UST: variants seen among roughly 807,000 people sequenced by gnomAD.
The protein encoded by UST is uronyl 2-sulfotransferase, also known as chondroitin sulfate 2-O-sulfotransferase.
A neutral mutation model predicts 45.6 loss-of-function variants in UST; 21 were observed. That is an observed-to-expected ratio of 0.46 (90% confidence interval 0.33 to 0.66). UST has a LOEUF of 0.66. Among genes scored for constraint, UST ranks in the 30% least tolerant of loss-of-function variants. The pLI is 0.02. For missense variants in UST, 463 were observed against 512.4 expected (o/e 0.90, Z 0.93); for synonymous variants, 215 against 200.6 (o/e 1.07, Z -0.61).
chr6:149,068,299 T>A (rs1354242304), intron 7 of UST, among the ~76,000 whole-genome samples: 1 of 152,176 alleles, frequency 6.6e-6, no homozygotes, highest in Non-Finnish European at 1.5e-5. Context: ...ATGAGGAGCC[T>A]CCTACCTCTG....
At chr6:148,894,904 G>T (rs188333264) in intron 2 of UST, among the ~76,000 whole-genome samples, 9 of 135,758 alleles carry the variant, frequency 6.6e-5, no homozygotes, top group African/African-American at 8.5e-5. Flanking sequence ...TGCAACCTCC[G>T]CCTCCCGGAT....
chr6:149,003,809 A>T (rs1387883737), intron 5 of UST, among the ~76,000 whole-genome samples: 1 of 152,142 alleles, frequency 6.6e-6, no homozygotes, highest in Non-Finnish European at 1.5e-5. Context: ...AGGTTCAGAG[A>T]GTGGAATTAG....
chr6:148,879,501 AATACC>A, intron 1 of UST, among the ~76,000 whole-genome samples: 2 of 152,208 alleles, frequency 1.3e-5, no homozygotes, highest in African/African-American at 2.4e-5. Context: ...AAAAATACCA[AATACC>A]ATGGACTTGT....
chr6:148,789,820 AC>A (rs1314509984), intron 1 of UST, among the ~76,000 whole-genome samples: 1 of 151,798 alleles, frequency 6.6e-6, no homozygotes, highest in East Asian at 1.9e-4. Flanking sequence ...CTGGTCTCGA[AC>A]TCCTGACCTC....
At chr6:149,018,032 G>A (rs1184893622) in intron 5 of UST, among the ~76,000 whole-genome samples, 1 of 152,022 alleles carries the variant, frequency 6.6e-6, no homozygotes, top group Admixed American at 6.6e-5. Context: ...AAACTCAAGT[G>A]CTTGAGTACT....
At chr6:149,058,988 A>G (rs563466237) in intron 7 of UST, among the ~76,000 whole-genome samples, 1 of 152,322 alleles carries the variant, frequency 6.6e-6, no homozygotes, top group East Asian at 1.9e-4. Flanking sequence ...TTTCAAACAA[A>G]TATGTCAGCT....
At chr6:148,886,646 G>A (rs879441660) in intron 1 of UST, among the ~76,000 whole-genome samples, 2 of 152,134 alleles carry the variant, frequency 1.3e-5, no homozygotes, top group South Asian at 2.1e-4. Context: ...CAAGCCCTGC[G>A]GGTAATTCTG....
intron 1 of UST, among the ~76,000 whole-genome samples, chr6:148,844,960 G>T (rs1009385105): frequency 6.6e-6 from 1 of 152,052 alleles, no homozygotes; most frequent in Non-Finnish European, 1.5e-5. Context: ...TGGTTTCATT[G>T]TTGTTGTTTT....
At chr6:148,891,335 A>C (rs1562291114) in intron 2 of UST, among the ~76,000 whole-genome samples, 1 of 152,178 alleles carries the variant, frequency 6.6e-6, no homozygotes, top group Non-Finnish European at 1.5e-5. Context: ...TGTGGATATC[A>C]TTTCATATAC....
Position 148,995,007 on chromosome 6 carries a change from G to T in UST, c.682-24132G>T, listed in dbSNP as rs182880161. On this transcript the variant is annotated intron_variant, in intron 5 of 7. Transcript: ENST00000367463. ...TAATCCCCATAGCCATCCTGTAAAA[G>T]AATTTGTCCTATCCTTATCTTGTGT... 2.7e-4 allele frequency among the ~76,000 whole-genome samples: 41 copies of T among 151,860 alleles called. 1 individual carries two copies. Among genetic ancestry groups the T allele is most frequent in the Admixed American group, 2.2e-3 (34 of 15,234 alleles).
chr6:148,993,878 T>C (rs964463375), intron 5 of UST, among the ~76,000 whole-genome samples: 6 of 152,004 alleles, frequency 3.9e-5, no homozygotes, highest in African/African-American at 1.5e-4. Flanking sequence ...AGCACCATGC[T>C]TCCTGCACAG....
intron 1 of UST, among the ~76,000 whole-genome samples, chr6:148,766,259 G>C (rs1287497007): frequency 6.6e-6 from 1 of 151,924 alleles, no homozygotes; most frequent in African/African-American, 2.4e-5. Flanking sequence ...AGTAAGTCTT[G>C]CTCACAAGGC....
rs1329773262 is a variant in UST at position 148,875,736 on chromosome 6, G to C, written c.248-11250G>C. ...GGAGAATTGCTTGAACCTGGGAGGC[G>C]GAGTTTGCAGTCAGCCGAGATCGCA... On this transcript the variant is annotated intron_variant, in intron 1 of 7. Coordinates refer to ENST00000367463, the MANE Select transcript of UST (RefSeq NM_005715.3). Among the ~76,000 whole-genome samples the C allele has an allele frequency of 2.6e-5, 4 of 152,272 alleles. No homozygotes were observed. In the East Asian group the frequency reaches 7.7e-4, roughly 29 times the overall value.
chr6:149,042,995 C>CTT (rs1776340005), intron 7 of UST, among the ~76,000 whole-genome samples: 1 of 117,620 alleles, frequency 8.5e-6, no homozygotes, highest in African/African-American at 4.0e-5. Flanking sequence ...TTCTTTCTTT[C>CTT]TTTCTTTCTT....
chr6:148,871,117 C>CCTCTCTCTCT (rs749134391), intron 1 of UST, among the ~76,000 whole-genome samples: 38,022 of 97,456 alleles, frequency 0.39, 8,833 homozygotes, highest in East Asian at 0.57. Context: ...GCATTCTCTC[C>CCTCTCTCTCT]CTCTCTCTCT....
At chr6:148,753,249 C>T (rs983533304) in intron 1 of UST, among the ~76,000 whole-genome samples, 9 of 152,134 alleles carry the variant, frequency 5.9e-5, no homozygotes, top group South Asian at 2.1e-4. Flanking sequence ...AGATTTTCAT[C>T]ACCACAAGGA....
At chr6:148,868,658 ACAAGTGTAGGAATACC>A in intron 1 of UST, among the ~76,000 whole-genome samples, 1 of 152,172 alleles carries the variant, frequency 6.6e-6, no homozygotes, top group East Asian at 1.9e-4. Flanking sequence ...GAATCATACT[ACAAGTGTAGGAATACC>A]CAAACCCTGC....
At chr6:149,019,369 T>A in intron 6 of UST, 133 bp downstream of exon 6, 1 of 678,934 alleles carries the variant, frequency 1.5e-6, no homozygotes, top group South Asian at 1.8e-5. Context: ...CTGTTTACTA[T>A]TAATCTTTCA....
chr6:148,940,885 A>G (rs1780113031), intron 2 of UST, among the ~76,000 whole-genome samples: 1 of 152,240 alleles, frequency 6.6e-6, no homozygotes, highest in African/African-American at 2.4e-5. Flanking sequence ...TTGCATTTTA[A>G]GAGTTCTGGA....
Sources: allele counts gnomAD v4.1 joint callset (sites outside exome capture counted in the v4.1 genomes callset), GRCh38; gene constraint gnomAD v4.1.1; transcripts MANE v1.5; gene names NCBI Gene and HGNC (gene_info 2026-07-23, HGNC 2026-07-21).